The following CCDC149 variants were observed in gnomAD, a reference collection of about 807,000 sequenced individuals.
CCDC149 encodes the protein coiled-coil domain containing 149.
Under a neutral mutation model 59.9 loss-of-function variants are expected in CCDC149, and 45 were observed. The observed-to-expected ratio is 0.75, with a 90% confidence interval of 0.59 to 0.96. The LOEUF is 0.96. Among genes scored for constraint, CCDC149 ranks in the 40% least tolerant of loss-of-function variants. The pLI is 0.00. For missense variants in CCDC149, 584 were observed against 664.7 expected (o/e 0.88, Z 1.33); for synonymous variants, 245 against 260.6 (o/e 0.94, Z 0.58).
chr4:24,858,330 T>G (rs549356800), intron 3 of CCDC149, among the ~76,000 whole-genome samples: 1 of 152,298 alleles, frequency 6.6e-6, no homozygotes, highest in South Asian at 2.1e-4. Flanking sequence ...AACCAAGAGA[T>G]TCTTTCCTCT....
chr4:24,952,121 C>T (rs565372190), intron 1 of CCDC149, among the ~76,000 whole-genome samples: 1 of 152,286 alleles, frequency 6.6e-6, no homozygotes, highest in South Asian at 2.1e-4. Context: ...CTTTAGGGCA[C>T]TCACAACCCC....
At chr4:24,951,703 T>C (rs934322901) in intron 1 of CCDC149, among the ~76,000 whole-genome samples, 2 of 152,236 alleles carry the variant, frequency 1.3e-5, no homozygotes, top group African/African-American at 4.8e-5. Flanking sequence ...TATATCTGTT[T>C]TGTGGCCATT....
intron 1 of CCDC149, among the ~76,000 whole-genome samples, chr4:24,911,038 C>G (rs552375193): frequency 6.6e-6 from 1 of 152,272 alleles, no homozygotes; most frequent in Non-Finnish European, 1.5e-5. Context: ...AGAAACTCTG[C>G]TGGGATGGGC....
In CCDC149 at chr4:24,900,439, GA is replaced by G. The variant is rs542521759; in HGVS notation, c.63+12377del. Among the ~76,000 whole-genome samples the G allele has an allele frequency of 1.2e-3, 178 of 152,290 alleles. 1 individual carries two copies. The highest frequency in any genetic ancestry group is 2.9e-5 in the Non-Finnish European group (2 of 68,020). ...AGCTACTTTCCCTAAATGAGGATGT[GA>G]GATCACAGTAGAGGCTCTGCAAATG... On this transcript the variant is annotated intron_variant, in intron 1 of 12. Transcript: ENST00000635206.
intron 12 of CCDC149, among the ~76,000 whole-genome samples, chr4:24,815,931 TA>T (rs1282209041): frequency 6.6e-6 from 1 of 152,114 alleles, no homozygotes; most frequent in African/African-American, 2.4e-5. Flanking sequence ...ACTCAGGCTG[TA>T]ATCCTACTCT....
intron 1 of CCDC149, among the ~76,000 whole-genome samples, chr4:24,904,336 AC>A (rs1297971194): frequency 6.6e-6 from 1 of 152,188 alleles, no homozygotes; most frequent in Non-Finnish European, 1.5e-5. Flanking sequence ...TATACCATGT[AC>A]CCTGTAACCC....
chr4:24,804,516 G>C (rs901172738), downstream of CCDC149, among the ~76,000 whole-genome samples: 4 of 150,720 alleles, frequency 2.7e-5, no homozygotes, highest in Admixed American at 2.6e-4. Context: ...AAAAGAAGTA[G>C]GGTACCAAGT....
intron 3 of CCDC149, among the ~76,000 whole-genome samples, chr4:24,864,343 T>C (rs572209094): frequency 1.6e-4 from 24 of 152,330 alleles, no homozygotes; most frequent in African/African-American, 5.5e-4. Context: ...GCCACTATTG[T>C]AGAAACTAAG....
intron 1 of CCDC149, among the ~76,000 whole-genome samples, chr4:24,948,818 G>A (rs1266979068): frequency 1.3e-5 from 2 of 152,090 alleles, no homozygotes; most frequent in South Asian, 2.1e-4. Context: ...GAATAATGAG[G>A]GTGGGTCTTT....
chr4:24,912,811 C>T lies in CCDC149; in HGVS notation c.63+6G>A. The T allele has an allele frequency of 1.5e-6, 2 of 1,336,860 alleles. No homozygotes were observed. The highest frequency in any genetic ancestry group is 3.7e-5 in the East Asian group (1 of 26,680). 82.8% of individuals were successfully genotyped at this position (1,336,860 alleles called of 1,614,324 possible). On this transcript the variant is annotated splice_donor_region_variant and intron_variant, in intron 1 of 12. Transcript: ENST00000635206. ...CCATCCCGCCTGGCCGGCGCCGCGG[C>T]CTCACCTCGCTCACCAGCCCCTGCC... is the stretch of plus-strand genomic sequence containing the variant.
intron 4 of CCDC149, among the ~76,000 whole-genome samples, chr4:24,840,469 T>C (rs1419756165): frequency 6.6e-6 from 1 of 152,208 alleles, no homozygotes; most frequent in Non-Finnish European, 1.5e-5. Context: ...TTGTCAGACA[T>C]GCAGAGAGTG....
At chr4:24,858,578 G>A (rs1338001462) in intron 3 of CCDC149, among the ~76,000 whole-genome samples, 1 of 152,176 alleles carries the variant, frequency 6.6e-6, no homozygotes. Flanking sequence ...GAGATTTGAT[G>A]AAAACATAGC....
chr4:24,869,666 A>AC (rs1718911028), intron 3 of CCDC149, among the ~76,000 whole-genome samples: 1 of 152,216 alleles, frequency 6.6e-6, no homozygotes, highest in African/African-American at 2.4e-5. Context: ...GGCACTGCAC[A>AC]TTGATGGATG....
intron 1 of CCDC149, among the ~76,000 whole-genome samples, chr4:24,908,775 C>G (rs896277243): frequency 6.6e-6 from 1 of 152,230 alleles, no homozygotes; most frequent in African/African-American, 2.4e-5. Context: ...CTTCTGCCTC[C>G]TGGCCCCTGC....
chr4:24,958,583 A>T (rs1371954749), intron 1 of CCDC149, among the ~76,000 whole-genome samples: 3 of 152,232 alleles, frequency 2.0e-5, no homozygotes, highest in Non-Finnish European at 4.4e-5. Flanking sequence ...ATGTTGTAAG[A>T]TATCTTAAAA....
intron 3 of CCDC149, among the ~76,000 whole-genome samples, chr4:24,865,549 C>T (rs1380231740): frequency 2.6e-5 from 4 of 152,196 alleles, no homozygotes; most frequent in African/African-American, 7.2e-5. Flanking sequence ...CACCCGAGAG[C>T]TTATTCGTAC....
chr4:24,882,066 A>G (rs953272613), intron 1 of CCDC149, among the ~76,000 whole-genome samples: 1 of 152,252 alleles, frequency 6.6e-6, no homozygotes, highest in Non-Finnish European at 1.5e-5. Context: ...AAACAAAAAA[A>G]GAGACAATTT....
intron 1 of CCDC149, among the ~76,000 whole-genome samples, chr4:24,951,576 G>A (rs1228948643): frequency 6.6e-6 from 1 of 151,868 alleles, no homozygotes; most frequent in African/African-American, 2.4e-5. Flanking sequence ...TTTTTCTGGT[G>A]GCTTAAAAAA....
At chr4:24,932,557 T>G (rs1722626869) in intron 1 of CCDC149, among the ~76,000 whole-genome samples, 1 of 152,198 alleles carries the variant, frequency 6.6e-6, no homozygotes, top group Non-Finnish European at 1.5e-5. Context: ...GGCTGCTAAG[T>G]CTATTTGGTC....
Sources: allele counts gnomAD v4.1 joint callset (sites outside exome capture counted in the v4.1 genomes callset), GRCh38; gene constraint gnomAD v4.1.1; transcripts MANE v1.5; gene names NCBI Gene and HGNC (gene_info 2026-07-23, HGNC 2026-07-21).